Variants in PDE1C observed in about 807,000 individuals in gnomAD.
The protein encoded by PDE1C is dual specificity calcium/calmodulin-dependent 3',5'-cyclic nucleotide phosphodiesterase 1C.
A neutral mutation model predicts 93.1 loss-of-function variants in PDE1C; 62 were observed. The observed-to-expected ratio is 0.67, with a 90% CI of 0.54 to 0.82. PDE1C has a LOEUF of 0.82. Ranked by LOEUF, PDE1C falls within the 40% of genes least tolerant of loss-of-function variation. PDE1C has a pLI of 0.00. For missense variants in PDE1C, 742 were observed against 884.6 expected (o/e 0.84, Z 2.04); for synonymous variants, 325 against 310.1 (o/e 1.05, Z -0.50).
the PDE1C span, chr7:31,642,754 T>C: frequency 6.2e-7 from 1 of 1,613,996 alleles, no homozygotes; most frequent in Middle Eastern, 1.6e-4. Flanking sequence ...GAGCCACAGC[T>C]TAGTATCATC....
At chr7:31,665,360 A>G in the PDE1C span, among the ~76,000 whole-genome samples, 1 of 152,076 alleles carries the variant, frequency 6.6e-6, no homozygotes, top group Non-Finnish European at 1.5e-5. Flanking sequence ...CTTTCATAGC[A>G]TGTATTATTT....
rs111533454 is a variant in PDE1C at position 31,926,901 on chromosome 7, T to TTTTTG, written c.129-46046_129-46042dup. ...AGACACCAAGCTAGCTGCAGGAGTT[T>TTTTTG]TTTTGTTTTGTTTTGTTTTGTTTTG... On this transcript the variant is annotated intron_variant, in intron 2 of 17. Transcript: ENST00000396191. Among the ~76,000 whole-genome samples, 556 of 151,768 alleles carry TTTTTG rather than the reference T, an allele frequency of 3.7e-3. 3 individuals carry two copies. Among genetic ancestry groups the TTTTTG allele is most frequent in the African/African-American group, 0.013 (526 of 41,212 alleles).
At chr7:32,184,563 A>T (rs1803706687) in intron 2 of PDE1C, among the ~76,000 whole-genome samples, 1 of 152,080 alleles carries the variant, frequency 6.6e-6, no homozygotes, top group African/African-American at 2.4e-5. Flanking sequence ...AAAACCAAAT[A>T]CTGCATGTTC....
At chr7:32,375,855 C>T (rs1438236319) in intron 1 of PDE1C, among the ~76,000 whole-genome samples, 1 of 152,160 alleles carries the variant, frequency 6.6e-6, no homozygotes, top group Non-Finnish European at 1.5e-5. Flanking sequence ...ATCATTTGAA[C>T]CTTAAAATAT....
At chr7:31,644,913 C>G in the PDE1C span, among the ~76,000 whole-genome samples, 2 of 152,212 alleles carry the variant, frequency 1.3e-5, no homozygotes, top group Admixed American at 1.3e-4. Context: ...TACTGAGTTA[C>G]CTTCCCATTC....
chr7:31,643,654 A>T, the PDE1C span: 1 of 1,614,074 alleles, frequency 6.2e-7, no homozygotes, highest in Non-Finnish European at 8.5e-7. Context: ...TGATGCTTCC[A>T]TTCAGACTTC....
intron 1 of PDE1C, among the ~76,000 whole-genome samples, chr7:32,411,757 A>G (rs1000528059): frequency 4.6e-5 from 7 of 152,164 alleles, no homozygotes; most frequent in Non-Finnish European, 1.0e-4. Context: ...AGACTTTTTA[A>G]GTGTTTTTAA....
intron 17 of PDE1C, among the ~76,000 whole-genome samples, chr7:31,769,448 A>G (rs1028274987): frequency 1.3e-5 from 2 of 152,208 alleles, no homozygotes; most frequent in African/African-American, 4.8e-5. Flanking sequence ...TGTACTTTCC[A>G]TCTAAGAATT....
At chr7:31,720,387 C>T in the PDE1C span, among the ~76,000 whole-genome samples, 1 of 152,156 alleles carries the variant, frequency 6.6e-6, no homozygotes, top group Non-Finnish European at 1.5e-5. Flanking sequence ...CAGCTCCGAG[C>T]TTCCCTTCCA....
At chr7:31,643,681 A>T in the PDE1C span, 1 of 1,613,988 alleles carries the variant, frequency 6.2e-7, no homozygotes, top group South Asian at 1.1e-5. Flanking sequence ...AAGCAACAAG[A>T]CCTTGACACA....
intron 3 of PDE1C, among the ~76,000 whole-genome samples, chr7:32,132,919 G>A (rs865917628): frequency 9.9e-5 from 15 of 152,222 alleles, no homozygotes; most frequent in Non-Finnish European, 1.8e-4. Flanking sequence ...GAATAACTCC[G>A]AGATTTTTAT....
At chr7:31,954,842 T>C (rs1473616324) in intron 2 of PDE1C, among the ~76,000 whole-genome samples, 2 of 152,208 alleles carry the variant, frequency 1.3e-5, no homozygotes, top group Non-Finnish European at 2.9e-5. Flanking sequence ...CTAATACTAT[T>C]TGATGGAAGT....
the PDE1C span, among the ~76,000 whole-genome samples, chr7:31,650,234 T>A: frequency 6.6e-6 from 1 of 152,164 alleles, no homozygotes; most frequent in Non-Finnish European, 1.5e-5. Context: ...AGGGCCTATG[T>A]CAGGTGTTGG....
In PDE1C at chr7:31,873,406, A is replaced by ACCCTG; in HGVS notation, c.494_495insCAGGG (p.Val166ArgfsTer22). On this transcript the variant is annotated frameshift_variant and splice_region_variant, in exon 6 of 18. Coordinates refer to ENST00000396191, the MANE Select transcript of PDE1C (RefSeq NM_001191057.4). LOFTEE classifies it high-confidence loss of function. ...AGACGTCAAAGGACCACTTGTCCAC[A>ACCCTG]TCCTGCAGGACAGGGTGGGGAGAAA... 6.3e-7 allele frequency: 1 copy of ACCCTG among 1,591,400 alleles called. No individual in the cohort carries two copies. The highest frequency in any genetic ancestry group is 8.6e-7 in the Non-Finnish European group (1 of 1,159,596).
At chr7:31,877,137 C>T (rs1796695213) in intron 5 of PDE1C, among the ~76,000 whole-genome samples, 1 of 152,172 alleles carries the variant, frequency 6.6e-6, no homozygotes, top group African/African-American at 2.4e-5. Flanking sequence ...CAAGTCCATA[C>T]ATAGACAACA....
chr7:32,224,184 C>G (rs1807082732), intron 1 of PDE1C, among the ~76,000 whole-genome samples: 1 of 152,170 alleles, frequency 6.6e-6, no homozygotes, highest in South Asian at 2.1e-4. Context: ...ACCATCCTGG[C>G]CAACATGGTG....
intron 3 of PDE1C, among the ~76,000 whole-genome samples, chr7:32,099,879 C>T (rs1797958876): frequency 6.6e-6 from 1 of 152,160 alleles, no homozygotes; most frequent in South Asian, 2.1e-4. Flanking sequence ...CAACCTAACT[C>T]AATTATCACC....
chr7:32,304,565 A>G (rs1290905227), intron 1 of PDE1C, among the ~76,000 whole-genome samples: 1 of 152,188 alleles, frequency 6.6e-6, no homozygotes, highest in African/African-American at 2.4e-5. Flanking sequence ...AATTAATAAA[A>G]TGAAACAAAA....
At chr7:32,181,976 C>G (rs1562555386) in intron 2 of PDE1C, among the ~76,000 whole-genome samples, 1 of 152,082 alleles carries the variant, frequency 6.6e-6, no homozygotes, top group African/African-American at 2.4e-5. Context: ...ATATCACCAC[C>G]AATCCCACAG....
Sources: allele counts gnomAD v4.1 joint callset (sites outside exome capture counted in the v4.1 genomes callset), GRCh38; gene constraint gnomAD v4.1.1; transcripts MANE v1.5; gene names NCBI Gene and HGNC (gene_info 2026-07-23, HGNC 2026-07-21).